Variants in ZNF469 observed in about 807,000 individuals in gnomAD.
ZNF469 encodes zinc finger protein 469.
A neutral mutation model predicts 1.0 loss-of-function variants in ZNF469; 1 was observed. The ratio of observed to expected loss-of-function variants is 1.00; its 90% CI spans 0.35 to 4.73. ZNF469 has a LOEUF of 4.73. Among genes scored for constraint, ZNF469 ranks in the 30% most tolerant of loss-of-function variants. ZNF469 has a pLI of 0.16. For missense variants in ZNF469, 6,100 were observed against 5,356.3 expected (o/e 1.14, Z -4.33); for synonymous variants, 2,703 against 2,363.4 (o/e 1.14, Z -4.17).
the ZNF469 span, among the ~76,000 whole-genome samples, chr16:88,151,808 G>C: frequency 6.6e-6 from 1 of 152,222 alleles, no homozygotes; most frequent in Admixed American, 6.5e-5. This position sits in a 1 kb window ranked among gnomAD's most constrained non-coding sequence, Gnocchi z 5.4. Context: ...GGCTTTGGCA[G>C]GAAGCCTCCA....
At chr16:88,112,838 C>A in the ZNF469 span, among the ~76,000 whole-genome samples, 3 of 125,302 alleles carry the variant, frequency 2.4e-5, no homozygotes, top group Non-Finnish European at 1.6e-5. Context: ...AGTGCAGTGG[C>A]ACGATCTCAG....
intron 1 of ZNF469, among the ~76,000 whole-genome samples, chr16:88,389,194 G>A (rs1052693988): frequency 4.6e-5 from 7 of 152,326 alleles, no homozygotes; most frequent in East Asian, 3.9e-4. Flanking sequence ...CCCAGCCCTC[G>A]GCAGCCGCTC....
rs1326651707 is a variant in ZNF469, at chr16:88,430,671, G to A, written c.3201G>A (p.Arg1067=). The change falls in exon 3 of 3, where the codon CGG becomes CGA. Residue 1067 remains arginine, a synonymous_variant. Transcript: ENST00000565624. Reference sequence around the variant, plus strand: ...ACAGGCGCCACCGGCGGCTGGGGCGGCGGGCGGGCAGGTGCGGCTCCCTGG... The same window carrying A: ...ACAGGCGCCACCGGCGGCTGGGGCGACGGGCGGGCAGGTGCGGCTCCCTGG... ...QKNRRHRRLG[R]RAGRCGSLAA... 4 of 1,495,068 alleles carry A rather than the reference G, an allele frequency of 2.7e-6. No homozygotes were observed. The highest frequency in any genetic ancestry group is 4.4e-5 in the Admixed American group (2 of 45,976). The allele number at this position is 1,495,068 out of a possible 1,614,324, so 92.6% of individuals were successfully genotyped here. A position where few individuals can be genotyped will look rare whatever the true frequency, so the allele number is the denominator to read the frequency against.
At chr16:88,232,967 G>C in the ZNF469 span, among the ~76,000 whole-genome samples, 1 of 152,196 alleles carries the variant, frequency 6.6e-6, no homozygotes, top group Non-Finnish European at 1.5e-5. Context: ...CTCCAGCCGG[G>C]TGCAGGCTGG....
At chr16:88,203,949 TC>T in the ZNF469 span, among the ~76,000 whole-genome samples, 1,529 of 152,206 alleles carry the variant, frequency 0.01, 31 homozygotes, top group African/African-American at 0.034. Flanking sequence ...CTTAAAGAAG[TC>T]CCTCATAAGC....
At chr16:88,291,180 C>T in the ZNF469 span, among the ~76,000 whole-genome samples, 1 of 152,168 alleles carries the variant, frequency 6.6e-6, no homozygotes, top group Non-Finnish European at 1.5e-5. Context: ...CTCCTCAGAC[C>T]CACCTGGACC....
At chr16:88,399,956 C>G (rs1367515298) in intron 1 of ZNF469, among the ~76,000 whole-genome samples, 1 of 152,196 alleles carries the variant, frequency 6.6e-6, no homozygotes, top group Non-Finnish European at 1.5e-5. Flanking sequence ...TGGGATCCCA[C>G]GCGGGTCACT....
At chr16:88,230,643 G>A in the ZNF469 span, among the ~76,000 whole-genome samples, 3 of 38,854 alleles carry the variant, frequency 7.7e-5, no homozygotes, top group African/African-American at 1.4e-4. Flanking sequence ...ACGCACCAAG[G>A]AGTGGGCAAG....
the ZNF469 span, among the ~76,000 whole-genome samples, chr16:88,120,931 C>A: frequency 6.6e-6 from 1 of 152,170 alleles, no homozygotes; most frequent in Non-Finnish European, 1.5e-5. Flanking sequence ...CTCAGCCATG[C>A]GGCGTTTCTT....
At chr16:88,192,828 G>A in the ZNF469 span, among the ~76,000 whole-genome samples, 1 of 151,716 alleles carries the variant, frequency 6.6e-6, no homozygotes. Flanking sequence ...TGGTGGTGGT[G>A]GTGGTGATGA....
the ZNF469 span, among the ~76,000 whole-genome samples, chr16:88,340,060 A>T: frequency 2.0e-5 from 3 of 152,080 alleles, no homozygotes; most frequent in African/African-American, 7.3e-5. Context: ...GCCAGGTCTG[A>T]GCCACGGACA....
At chr16:88,182,557 C>T in the ZNF469 span, among the ~76,000 whole-genome samples, 1 of 151,914 alleles carries the variant, frequency 6.6e-6, no homozygotes, top group Non-Finnish European at 1.5e-5. Flanking sequence ...GTCAACAAAA[C>T]AAAATAGAGT....
At chr16:88,208,245 G>T in the ZNF469 span, among the ~76,000 whole-genome samples, 4 of 151,836 alleles carry the variant, frequency 2.6e-5, no homozygotes, top group African/African-American at 4.8e-5. Context: ...TTCCTTTGCA[G>T]CAGGAAGAGA....
chr16:88,300,253 A>G, the ZNF469 span, among the ~76,000 whole-genome samples: 2 of 152,004 alleles, frequency 1.3e-5, no homozygotes, highest in African/African-American at 4.8e-5. Flanking sequence ...GCAGTTCGCA[A>G]CAGTCCTGCC....
chr16:88,139,664 A>G, the ZNF469 span, among the ~76,000 whole-genome samples: 22,609 of 129,958 alleles, frequency 0.17, 2,304 homozygotes, highest in East Asian at 0.5. Context: ...GACGTGATGA[A>G]GAAAATTGCT....
the ZNF469 span, among the ~76,000 whole-genome samples, chr16:88,339,552 GGGACAGGATGGCAGGGGGATGGA>G: frequency 8.5e-5 from 1 of 11,740 alleles, no homozygotes; most frequent in East Asian, 1.9e-3. Flanking sequence ...AGGGGGATGG[GGGACAGGATGGCAGGGGGATGGA>G]GGACATAGTG....
At chr16:88,166,309 C>T in the ZNF469 span, among the ~76,000 whole-genome samples, 2 of 152,204 alleles carry the variant, frequency 1.3e-5, no homozygotes, top group East Asian at 3.8e-4. This position sits in a 1 kb window ranked among gnomAD's most constrained non-coding sequence, Gnocchi z 4.5. Flanking sequence ...CTCCATCCAT[C>T]TTATTTTTGG....
intron 1 of ZNF469, among the ~76,000 whole-genome samples, chr16:88,419,790 G>A (rs926009392): frequency 1.3e-5 from 2 of 152,136 alleles, no homozygotes; most frequent in African/African-American, 2.4e-5. Flanking sequence ...CAGAGCAGCC[G>A]CTCAGGTCAC....
the ZNF469 span, among the ~76,000 whole-genome samples, chr16:88,184,997 G>A: frequency 1.1e-3 from 162 of 151,652 alleles, 1 homozygote; most frequent in African/African-American, 3.7e-3. Context: ...ACTCACACCC[G>A]TGGGCACACC....
Sources: gnomAD v4.1 joint callset for allele counts (sites outside exome capture counted in the v4.1 genomes callset) on GRCh38, gnomAD v4.1.1 for gene constraint, Gnocchi (gnomAD v3.1) non-coding constraint, MANE v1.5 for transcripts, NCBI Gene and HGNC (gene_info 2026-07-23, HGNC 2026-07-21) for gene names.